Variants in ABCA13 observed in about 807,000 individuals in gnomAD.
ABCA13 encodes ATP-binding cassette sub-family A member 13.
In ABCA13, 476 loss-of-function variants were observed where a neutral mutation model predicts 478.7. The ratio of observed to expected loss-of-function variants is 0.99; its 90% CI spans 0.92 to 1.07. ABCA13 has a LOEUF of 1.07. ABCA13 is among the 50% of genes least tolerant of loss of function. The pLI is 0.00. For missense variants in ABCA13, 6,060 were observed against 5,910.6 expected, an observed-to-expected ratio of 1.03 and a Z score of -0.83; for synonymous variants, 2,252 against 2,158.9, an observed-to-expected ratio of 1.04 and a Z score of -1.20.
At chr7:48,446,306 G>GA (rs1824292967) in intron 42 of ABCA13, among the ~76,000 whole-genome samples, 1 of 149,848 alleles carries the variant, frequency 6.7e-6, no homozygotes, top group Admixed American at 6.7e-5. Flanking sequence ...AAGTTTATGT[G>GA]AAAGATCACA....
chr7:48,451,232 A>G (rs1399581066), intron 42 of ABCA13, among the ~76,000 whole-genome samples: 1 of 152,052 alleles, frequency 6.6e-6, no homozygotes, highest in African/African-American at 2.4e-5. Context: ...TCCTGACCTC[A>G]GGTAATCTGC....
At chr7:48,307,252 C>T (rs1801044649) in intron 23 of ABCA13, among the ~76,000 whole-genome samples, 2 of 152,230 alleles carry the variant, frequency 1.3e-5, no homozygotes, top group Admixed American at 6.5e-5. Context: ...GCCTGTTACA[C>T]ACCTAGGCTA....
chr7:48,547,285 C>T (rs1455568430), intron 55 of ABCA13, among the ~76,000 whole-genome samples: 1 of 151,832 alleles, frequency 6.6e-6, no homozygotes, highest in Non-Finnish European at 1.5e-5. Context: ...TTTTCTATGC[C>T]AGCATGTACT....
chr7:48,289,985 A>G (rs1181367656), intron 20 of ABCA13, among the ~76,000 whole-genome samples: 2 of 152,234 alleles, frequency 1.3e-5, no homozygotes, highest in East Asian at 3.8e-4. Context: ...AGAGATGGGC[A>G]AAAAGCACAA....
At chr7:48,216,390 T>A (rs766162547) in intron 3 of ABCA13, among the ~76,000 whole-genome samples, 5 of 152,220 alleles carry the variant, frequency 3.3e-5, no homozygotes, top group Non-Finnish European at 7.4e-5. Context: ...TTGTATATCT[T>A]CCTTGGAGAA....
rs1361142325 is a variant in ABCA13, at chr7:48,279,848, G to C, written c.8654G>C (p.Cys2885Ser). 6 of 1,568,724 alleles carry C rather than the reference G, an allele frequency of 3.8e-6. No individual in the cohort carries two copies. Among genetic ancestry groups the C allele is most frequent in the Non-Finnish European group, 5.2e-6 (6 of 1,161,990 alleles). The part of the protein sequence containing the change: ...DFPYSFKPFF[C>S]LEKYLGGLFV... ...CCTTATAGTTTCAAACCATTTTTCTGTTTGGAGAAATACCTGGGAGGATTA... is the reference window on the plus strand; with the variant it reads ...CCTTATAGTTTCAAACCATTTTTCTCTTTGGAGAAATACCTGGGAGGATTA... The change falls in exon 18 of 62, where the codon TGT becomes TCT. Residue 2885 changes from cysteine (C) to serine (S), a missense_variant. This residue lies in a region of ABCA13 where 4,423 missense variants were observed against 4,309.1 expected (regional missense o/e 1.03). Coordinates refer to ENST00000435803, the MANE Select transcript of ABCA13 (RefSeq NM_152701.5).
chr7:48,577,873 A>G (rs547852927), intron 55 of ABCA13, among the ~76,000 whole-genome samples: 3 of 152,256 alleles, frequency 2.0e-5, no homozygotes, highest in African/African-American at 7.2e-5. Context: ...AGAATTATAT[A>G]CTATGACAAA....
At chr7:48,324,995 A>G (rs1326249600) in intron 27 of ABCA13, among the ~76,000 whole-genome samples, 2 of 152,220 alleles carry the variant, frequency 1.3e-5, no homozygotes, top group Non-Finnish European at 2.9e-5. Context: ...AATTGAGCTA[A>G]ACGTTACTTC....
chr7:48,591,188 G>A (rs1447951944), intron 57 of ABCA13, among the ~76,000 whole-genome samples: 3 of 151,058 alleles, frequency 2.0e-5, no homozygotes, highest in African/African-American at 4.9e-5. Flanking sequence ...TTAATTTTTT[G>A]TATGTAGATA....
chr7:48,192,966 TCC>T lies in ABCA13; in HGVS notation c.78_79del (p.Leu27CysfsTer2). 6.6e-7 allele frequency: 1 copy of T among 1,522,244 alleles called. No individual in the cohort carries two copies. The highest frequency in any genetic ancestry group is 2.5e-5 in the East Asian group (1 of 40,784). The allele number at this position is 1,522,244 out of a possible 1,614,324, so 94.3% of individuals were successfully genotyped here. ...TTTTTTTTAATTTTCTAGGTCCTTT[TCC>T]TTGCTGAATTCTTCTGGCCTTGTAT... On this transcript the variant is annotated frameshift_variant, in exon 2 of 62. Transcript: ENST00000435803. LOFTEE classifies it high-confidence loss of function.
chr7:48,438,385 A>G (rs916146106), intron 42 of ABCA13, among the ~76,000 whole-genome samples: 30 of 152,014 alleles, frequency 2.0e-4, no homozygotes, highest in East Asian at 1.9e-4. Context: ...AAGTTGTTTT[A>G]GTCAGTCTGT....
rs1194334355 is a variant in ABCA13, at chr7:48,274,886, G to A, written c.5220G>A (p.Val1740=). 6.2e-7 allele frequency: 1 copy of A among 1,613,880 alleles called. No homozygotes were observed. The highest frequency in any genetic ancestry group is 1.7e-5 in the Admixed American group (1 of 59,998). ...QLSRLFPKDV[V]DAVIDVYYVL... is the part of the protein sequence containing the mutation. ...CACGCCTGTTTCCTAAAGATGTTGT[G>A]GATGCTGTGATAGATGTGTACTATG... The change falls in exon 17 of 62, where the codon GTG becomes GTA. Residue 1740 remains valine (V), a synonymous_variant. Transcript: ENST00000435803.
At chr7:48,471,047 A>G (rs1048205607) in intron 44 of ABCA13, among the ~76,000 whole-genome samples, 1 of 152,238 alleles carries the variant, frequency 6.6e-6, no homozygotes, top group Non-Finnish European at 1.5e-5. Flanking sequence ...AATGGTTTTC[A>G]TAACTGTTTC....
chr7:48,229,540 A>G (rs1433739738), intron 6 of ABCA13, among the ~76,000 whole-genome samples: 2 of 152,240 alleles, frequency 1.3e-5, no homozygotes, highest in Non-Finnish European at 2.9e-5. Flanking sequence ...AATAACACCT[A>G]TGGCAGAGCC....
intron 58 of ABCA13, among the ~76,000 whole-genome samples, chr7:48,604,811 A>G (rs906901520): frequency 6.6e-6 from 1 of 152,170 alleles, no homozygotes; most frequent in Admixed American, 6.5e-5. Flanking sequence ...TGATCTGTCT[A>G]ATATTGACAG....
chr7:48,251,917 G>GTTATGAGTCATTT (rs1792626762), intron 15 of ABCA13, among the ~76,000 whole-genome samples: 1 of 152,048 alleles, frequency 6.6e-6, no homozygotes, highest in Non-Finnish European at 1.5e-5. Flanking sequence ...TCCATTGTAT[G>GTTATGAGTCATTT]TTATGAGTCA....
At chr7:48,286,654 G>A (rs1377324877) in intron 19 of ABCA13, among the ~76,000 whole-genome samples, 4 of 151,862 alleles carry the variant, frequency 2.6e-5, no homozygotes, top group African/African-American at 7.3e-5. Flanking sequence ...ACAGGTGCCC[G>A]CCACCATGCC....
chr7:48,306,154 C>T (rs543168752), intron 23 of ABCA13, among the ~76,000 whole-genome samples: 3 of 152,306 alleles, frequency 2.0e-5, no homozygotes, highest in East Asian at 3.9e-4. Context: ...AGCAAATGTG[C>T]TGCTGGGGCT....
intron 29 of ABCA13, among the ~76,000 whole-genome samples, chr7:48,341,873 CTTTCT>C (rs1807250557): frequency 7.8e-6 from 1 of 128,478 alleles, no homozygotes; most frequent in African/African-American, 2.9e-5. Context: ...ATATATATAT[CTTTCT>C]GATATATATA....
Sources: allele counts gnomAD v4.1 joint callset (sites outside exome capture counted in the v4.1 genomes callset), GRCh38; gene constraint gnomAD v4.1.1; regional missense constraint gnomAD v4.1.1; transcripts MANE v1.5; gene names NCBI Gene and HGNC (gene_info 2026-07-23, HGNC 2026-07-21).